The following OR4K13 variants were observed in gnomAD, a reference collection of about 807,000 sequenced individuals.
The protein encoded by OR4K13 is olfactory receptor family 4 subfamily K member 13.
For missense variants in OR4K13, 403 were observed against 366.0 expected (o/e 1.10, Z -0.82); for synonymous variants, 160 against 134.8 (o/e 1.19, Z -1.30).
rs890031223 is a variant in OR4K13 at position 20,031,484 on chromosome 14, T to G, written c.*2360A>C. 7.2e-5 allele frequency: 11 copies of G among 152,194 alleles called. No individual in the cohort carries two copies. The highest frequency in any genetic ancestry group is 2.4e-4 in the African/African-American group (10 of 41,448). 9.4% of individuals were successfully genotyped at this position (152,194 alleles called of 1,614,324 possible). A position where few individuals can be genotyped will look rare whatever the true frequency, so the allele number is the denominator to read the frequency against. ...TTAGCTAAATTATTTGGGAAAAATA[T>G]TGAGTAGTTAGTAGCTTTCTCTGGC... is the stretch of plus-strand genomic sequence containing the variant. On this transcript the variant is annotated 3_prime_UTR_variant, in exon 2 of 2. Coordinates refer to ENST00000641904, the MANE Select transcript of OR4K13 (RefSeq NM_001004714.2).
chr14:20,035,257 T>C (rs955403659), intron 1 of OR4K13, among the ~76,000 whole-genome samples: 3 of 152,004 alleles, frequency 2.0e-5, no homozygotes, highest in Non-Finnish European at 4.4e-5. Flanking sequence ...TTTATTAATG[T>C]GGAAAGGATA....
At position 20,033,870 on chromosome 14, in the gene OR4K13, C is replaced by T. The variant is rs760227246; in HGVS notation, c.889G>A (p.Ala297Thr). 17 of 1,527,348 alleles carry T rather than the reference C, an allele frequency of 1.1e-5. No homozygotes were observed. In the East Asian group the frequency reaches 3.8e-4, roughly 34 times the overall value. The allele number at this position is 1,527,348 out of a possible 1,614,324, so 94.6% of individuals were successfully genotyped here. Residue 297 changes from alanine to threonine, a missense_variant, in exon 2 of 2, where the codon GCC becomes ACC. By Grantham distance (58) the Ala-to-Thr change is moderately conservative (BLOSUM62 0). Transcript: ENST00000641904. ...YTLRNQEVKAAIKKRLCI is the reference protein window; with the variant it reads ...YTLRNQEVKATIKKRLCI ...TATATGCAGAGTCTTTTTTTAATGG[C>T]TGCTTTTACCTCTTGATTTCTTAAT...
chr14:20,034,078 G>C lies in OR4K13; in HGVS notation c.681C>G (p.Tyr227Ter), dbSNP rs1175730481. The C allele has an allele frequency of 5.0e-6, 8 of 1,613,956 alleles. No homozygotes were observed. The highest frequency in any genetic ancestry group is 6.8e-6 in the Non-Finnish European group (8 of 1,179,996). The change falls in exon 2 of 2, where the codon TAC becomes TAG. Residue 227 changes from tyrosine to a stop codon, truncating the protein, a stop_gained. Transcript: ENST00000641904. LOFTEE classifies it low-confidence loss of function (END_TRUNC). ...SYGVIIFSVR[Y>*]RAASRSSKAF... ...CCTTAGAGGATCGACTAGCAGCACGGTACCTAACTGAGAATATTATGACTC... is the reference window on the plus strand; with the variant it reads ...CCTTAGAGGATCGACTAGCAGCACGCTACCTAACTGAGAATATTATGACTC...
chr14:20,035,386 C>A (rs996708821), intron 1 of OR4K13, among the ~76,000 whole-genome samples: 2 of 151,584 alleles, frequency 1.3e-5, no homozygotes, highest in African/African-American at 4.8e-5. Context: ...TTGCATGAAT[C>A]CCTCACAGAT....
chr14:20,035,960 G>C lies in OR4K13; in HGVS notation c.-246C>G, dbSNP rs112009864. 2 of 151,974 alleles carry C rather than the reference G, an allele frequency of 1.3e-5. No individual in the cohort carries two copies. The highest frequency in any genetic ancestry group is 4.8e-5 in the African/African-American group (2 of 41,376). 9.4% of individuals were successfully genotyped at this position (151,974 alleles called of 1,614,324 possible). On this transcript the variant is annotated 5_prime_UTR_variant, in exon 1 of 2. Transcript: ENST00000641904. ...TACAAGACAGGGGAAAAAAACTTTC[G>C]TGATGGCGTCGTACGTGAATCCCAG...
chr14:20,034,572 G>A lies in OR4K13; in HGVS notation c.187C>T (p.Leu63Phe). 13 of 1,613,894 alleles carry A rather than the reference G, an allele frequency of 8.1e-6. No homozygotes were observed. Among genetic ancestry groups the A allele is most frequent in the Non-Finnish European group, 1.1e-5 (13 of 1,179,976 alleles). The change falls in exon 2 of 2, where the codon CTT (leucine) becomes TTT (phenylalanine). Residue 63 changes from leucine (L) to phenylalanine (F), a missense_variant. Leu to Phe is a conservative substitution (Grantham distance 22). Coordinates refer to ENST00000641904, the MANE Select transcript of OR4K13 (RefSeq NM_001004714.2). ...SLLHTPMYFL[L>F]SNLSCIDMIL... ...ATATCAATGCAGGAGAGGTTGCTAA[G>A]CAGAAAATACATTGGTGTGTGAAGG...
rs1345675062 is a variant in OR4K13 at position 20,034,585 on chromosome 14, T to C, written c.174A>G (p.Pro58=). ...AGAGGTTGCTAAGCAGAAAATACAT[T>C]GGTGTGTGAAGGAGCGAATCAAAGG... ...TVTFDSLLHT[P]MYFLLSNLSC... Residue 58 remains proline (P), a synonymous_variant, in exon 2 of 2, where the codon CCA becomes CCG. Coordinates refer to ENST00000641904, the MANE Select transcript of OR4K13 (RefSeq NM_001004714.2). 31 of 1,613,770 alleles carry C rather than the reference T, an allele frequency of 1.9e-5. No individual in the cohort carries two copies. Among genetic ancestry groups the C allele is most frequent in the Non-Finnish European group, 2.5e-5 (30 of 1,179,990 alleles).
At chr14:20,035,867 A>G (rs939885454) in intron 1 of OR4K13, 71 bp downstream of exon 1, 6 of 152,178 alleles carry the variant, frequency 3.9e-5, no homozygotes, top group Admixed American at 3.9e-4. Context: ...TTTTAAATTA[A>G]TCTAGGTCTT....
rs762856393 is a variant in OR4K13, at chr14:20,029,734, G to GC, written c.*4109dup. The GC allele has an allele frequency of 1.3e-5, 2 of 151,994 alleles. No individual in the cohort carries two copies. Among genetic ancestry groups the GC allele is most frequent in the Non-Finnish European group, 2.9e-5 (2 of 68,008 alleles). 9.4% of individuals were successfully genotyped at this position (151,994 alleles called of 1,614,324 possible). On this transcript the variant is annotated 3_prime_UTR_variant, in exon 2 of 2. Coordinates refer to ENST00000641904, the MANE Select transcript of OR4K13 (RefSeq NM_001004714.2). Reference sequence around the variant, plus strand: ...AGGTCAGGAGTTCGAGACCAGCCTGGCCAATATGACAAAACTTTGTCTCTA... The same window carrying GC: ...AGGTCAGGAGTTCGAGACCAGCCTGGCCCAATATGACAAAACTTTGTCTCTA...
chr14:20,034,711 T>A lies in OR4K13; in HGVS notation c.48A>T (p.Gly16=). The A allele has an allele frequency of 6.2e-7, 1 of 1,611,832 alleles. No individual in the cohort carries two copies. Among genetic ancestry groups the A allele is most frequent in the Non-Finnish European group, 8.5e-7 (1 of 1,179,360 alleles). Residue 16 remains glycine (G), a synonymous_variant, in exon 2 of 2, where the codon GGA becomes GGT. Coordinates refer to ENST00000641904, the MANE Select transcript of OR4K13 (RefSeq NM_001004714.2). ...TCTGAAGATTTTGAGATTTGGAAAG[T>A]CCCAACAAAATAAATTCCGATACCA... The part of the protein sequence containing the change: ...HSVVSEFILL[G]LSKSQNLQIL...
intron 1 of OR4K13, 121 bp downstream of exon 1, chr14:20,035,817 T>C (rs1877555521): frequency 6.6e-6 from 1 of 152,224 alleles, no homozygotes; most frequent in East Asian, 1.9e-4. Context: ...ACTGGTTCTA[T>C]TGGTTCAGCT....
chr14:20,035,712 C>T (rs1199587928), intron 1 of OR4K13: 1 of 151,882 alleles, frequency 6.6e-6, no homozygotes, highest in Non-Finnish European at 1.5e-5. Context: ...AATGACTTAG[C>T]TTGATGTAAC....
In OR4K13 at chr14:20,031,569, A is replaced by G. The variant is rs2138671459; in HGVS notation, c.*2275T>C. 1 of 152,312 alleles carries G rather than the reference A, an allele frequency of 6.6e-6. No individual in the cohort carries two copies. Among genetic ancestry groups the G allele is most frequent in the Non-Finnish European group, 1.5e-5 (1 of 68,030 alleles). 9.4% of individuals were successfully genotyped at this position (152,312 alleles called of 1,614,324 possible). A position where few individuals can be genotyped will look rare whatever the true frequency, so the allele number is the denominator to read the frequency against. ...TCTTGACATAAGAAATACATAAATAACTTACAAATAATTTATATCACAAAT... is the reference window on the plus strand; with the variant it reads ...TCTTGACATAAGAAATACATAAATAGCTTACAAATAATTTATATCACAAAT... On this transcript the variant is annotated 3_prime_UTR_variant, in exon 2 of 2. Transcript: ENST00000641904.
Position 20,034,304 on chromosome 14 carries a change from C to A in OR4K13, c.455G>T (p.Gly152Val). ...CATTTGACTAGATGAGTGCACAAAT[C>A]CAACTGCATAGGAGGATAACAGTAG... Reference protein sequence around the residue: ...TGLLLSSYAVGFVHSSSQMAF... With the variant: ...TGLLLSSYAVVFVHSSSQMAF... Residue 152 changes from glycine to valine, a missense_variant, in exon 2 of 2, where the codon GGA becomes GTA. By Grantham distance (109) the Gly-to-Val change is moderately radical. Transcript: ENST00000641904. 2 of 1,614,100 alleles carry A rather than the reference C, an allele frequency of 1.2e-6. No homozygotes were observed. The highest frequency in any genetic ancestry group is 1.3e-5 in the African/African-American group (1 of 75,020).
At position 20,034,452 on chromosome 14, in the gene OR4K13, A is replaced by G. The variant is rs762258911; in HGVS notation, c.307T>C (p.Phe103Leu). Reference protein sequence around the residue: ...SWWGCYSQMFFMHLLGGSEMM... With the variant: ...SWWGCYSQMFLMHLLGGSEMM... ...TCACTCCCACCCAGGAGGTGCATAA[A>G]GAACATCTGGGAATAACATCCCCAC... The change falls in exon 2 of 2, where the codon TTT becomes CTT. Residue 103 changes from phenylalanine to leucine, a missense_variant. Transcript: ENST00000641904. 5.2e-5 allele frequency: 84 copies of G among 1,613,938 alleles called. No individual in the cohort carries two copies. In the Middle Eastern group the frequency reaches 9.9e-4, roughly 19 times the overall value.
rs779387320 is a variant in OR4K13, at chr14:20,033,108, C to T, written c.*736G>A. 1.3e-5 allele frequency: 2 copies of T among 152,226 alleles called. No homozygotes were observed. The highest frequency in any genetic ancestry group is 2.9e-5 in the Non-Finnish European group (2 of 68,078). The allele number at this position is 152,226 out of a possible 1,614,324, so 9.4% of individuals were successfully genotyped here. Reference sequence around the variant, plus strand: ...CATCATGTAACAGTGCTGTTCGTGCCATGGAACAACTGCCAATTTAGTTTG... The same window carrying T: ...CATCATGTAACAGTGCTGTTCGTGCTATGGAACAACTGCCAATTTAGTTTG... On this transcript the variant is annotated 3_prime_UTR_variant, in exon 2 of 2. Transcript: ENST00000641904.
In OR4K13 at chr14:20,031,821, T is replaced by A. The variant is rs1001342959; in HGVS notation, c.*2023A>T. 2 of 7,974 alleles carry A rather than the reference T, an allele frequency of 2.5e-4. No individual in the cohort carries two copies. The highest frequency in any genetic ancestry group is 5.0e-4 in the Non-Finnish European group (2 of 3,992). 0.5% of individuals were successfully genotyped at this position (7,974 alleles called of 1,614,324 possible). On this transcript the variant is annotated 3_prime_UTR_variant, in exon 2 of 2. Transcript: ENST00000641904. Reference sequence around the variant, plus strand: ...CCCAACACACCCACCCATGCCCACCTCCCCGCTCAGAGGCTGAAAACAAGT... The same window carrying A: ...CCCAACACACCCACCCATGCCCACCACCCCGCTCAGAGGCTGAAAACAAGT...
rs1335873139 is a variant in OR4K13, at chr14:20,034,038, A to G, written c.721T>C (p.Ser241Pro). ...SRSSKAFSTL[S>P]AHITVVTLFF... is the part of the protein sequence containing the mutation. The stretch of plus-strand genomic sequence containing the variant: ...AGAGTCACAACTGTGATGTGAGCTG[A>G]GAGAGTGGAGAAAGCCTTAGAGGAT... Residue 241 changes from serine (S) to proline (P), a missense_variant, in exon 2 of 2, where the codon TCA becomes CCA. Coordinates refer to ENST00000641904, the MANE Select transcript of OR4K13 (RefSeq NM_001004714.2). The G allele has an allele frequency of 3.1e-6, 5 of 1,614,022 alleles. No individual in the cohort carries two copies. Among genetic ancestry groups the G allele is most frequent in the Non-Finnish European group, 4.2e-6 (5 of 1,180,002 alleles).
Position 20,033,647 on chromosome 14 carries a change from A to C in OR4K13, c.*197T>G. ...TAACAATTACATCTACTATTTCCTC[A>C]TATGGAACTTGAACTGTTAGCTGGT... On this transcript the variant is annotated 3_prime_UTR_variant, in exon 2 of 2. Coordinates refer to ENST00000641904, the MANE Select transcript of OR4K13 (RefSeq NM_001004714.2). 2.3e-6 allele frequency: 1 copy of C among 437,502 alleles called. No individual in the cohort carries two copies. 27.1% of individuals were successfully genotyped at this position (437,502 alleles called of 1,614,324 possible). A position where few individuals can be genotyped will look rare whatever the true frequency, so the allele number is the denominator to read the frequency against.
Sources: gnomAD v4.1 joint callset for allele counts (sites outside exome capture counted in the v4.1 genomes callset) on GRCh38, gnomAD v4.1.1 for gene constraint, MANE v1.5 for transcripts, NCBI Gene and HGNC (gene_info 2026-07-23, HGNC 2026-07-21) for gene names.